The following FYB2 variants were observed in gnomAD, a reference collection of about 807,000 sequenced individuals.
FYB2 encodes the protein FYN-binding protein 2.
A neutral mutation model predicts 94.1 loss-of-function variants in FYB2; 103 were observed. That is an observed-to-expected ratio of 1.09 (90% confidence interval 0.93 to 1.29). The LOEUF (loss-of-function observed/expected upper bound fraction) is 1.29, where lower values mean the gene tolerates loss of function less well. Ranked by LOEUF, FYB2 falls within the 50% of genes most tolerant of loss-of-function variation. The pLI, the probability that FYB2 is intolerant of heterozygous loss-of-function variation, is 0.00. For missense variants in FYB2, 896 were observed against 841.5 expected, an observed-to-expected ratio of 1.06 and a Z score of -0.80; for synonymous variants, 293 against 287.9, an observed-to-expected ratio of 1.02 and a Z score of -0.18.
chr1:56,791,115 C>T (rs1646253454), intron 2 of FYB2, among the ~76,000 whole-genome samples: 2 of 152,104 alleles, frequency 1.3e-5, no homozygotes, highest in Non-Finnish European at 2.9e-5. Flanking sequence ...CAAACAGAAA[C>T]CATACAAGGT....
intron 1 of FYB2, among the ~76,000 whole-genome samples, chr1:56,802,565 G>A (rs558246777): frequency 7.0e-4 from 107 of 152,286 alleles, no homozygotes; most frequent in Non-Finnish European, 7.2e-4. Flanking sequence ...GAGGTGTGCC[G>A]TTCCATTGTA....
intron 5 of FYB2, among the ~76,000 whole-genome samples, chr1:56,760,048 C>T (rs1489173674): frequency 4.2e-5 from 6 of 142,734 alleles, no homozygotes; most frequent in Non-Finnish European, 6.0e-5. Flanking sequence ...TACTGTATTC[C>T]AGCCTGGGCA....
Position 56,792,639 on chromosome 1 carries a change from G to T in FYB2, c.174C>A (p.Asn58Lys), listed in dbSNP as rs1646298845. The T allele has an allele frequency of 6.2e-7, 1 of 1,614,078 alleles. No homozygotes were observed. Among genetic ancestry groups the T allele is most frequent in the Non-Finnish European group, 8.5e-7 (1 of 1,180,002 alleles). ...AACAGTATGGTGTGCGCTGCTTGTG[G>T]TTGGATGAGAGGGGTTTCCCATTGG... is the stretch of plus-strand genomic sequence containing the variant. The part of the protein sequence containing the change: ...ILANGKPLSS[N>K]HKQRTPYCSS... The change falls in exon 2 of 20, where the codon AAC becomes AAA. Residue 58 changes from asparagine to lysine, a missense_variant. Asn to Lys is a moderately conservative substitution (Grantham distance 94, BLOSUM62 0). Coordinates refer to ENST00000343433, the MANE Select transcript of FYB2 (RefSeq NM_001004303.5).
intron 1 of FYB2, among the ~76,000 whole-genome samples, chr1:56,804,570 C>A (rs1018872950): frequency 1.3e-5 from 2 of 151,836 alleles, no homozygotes; most frequent in Non-Finnish European, 2.9e-5. Flanking sequence ...ACTAAAAATA[C>A]AAAACAAAAA....
chr1:56,736,699 A>T (rs1337308915), intron 15 of FYB2, among the ~76,000 whole-genome samples: 1 of 152,142 alleles, frequency 6.6e-6, no homozygotes, highest in African/African-American at 2.4e-5. Flanking sequence ...TACAGGCATG[A>T]GCCACTGCAT....
intron 1 of FYB2, among the ~76,000 whole-genome samples, chr1:56,809,547 A>G (rs1646719338): frequency 6.6e-6 from 1 of 152,148 alleles, no homozygotes; most frequent in African/African-American, 2.4e-5. Context: ...GAATGCTCTT[A>G]CCCATGTTTA....
intron 1 of FYB2, among the ~76,000 whole-genome samples, chr1:56,812,520 A>C (rs1198044021): frequency 6.6e-6 from 1 of 152,194 alleles, no homozygotes; most frequent in South Asian, 2.1e-4. Flanking sequence ...AAATTGCTTA[A>C]TTATTATTTC....
intron 1 of FYB2, among the ~76,000 whole-genome samples, chr1:56,811,116 G>A (rs1288159453): frequency 6.6e-6 from 1 of 152,084 alleles, no homozygotes; most frequent in Non-Finnish European, 1.5e-5. Flanking sequence ...CTAGGGGAGG[G>A]ACCGTCATCA....
In FYB2 at chr1:56,792,071, C is replaced by G; in HGVS notation, c.742G>C (p.Ala248Pro). Residue 248 changes from alanine (A) to proline (P), a missense_variant, in exon 2 of 20, where the codon GCC (alanine) becomes CCC (proline). Physicochemically the swap from Ala to Pro is conservative, Grantham distance 27. Coordinates refer to ENST00000343433, the MANE Select transcript of FYB2 (RefSeq NM_001004303.5). Reference protein sequence around the residue: ...PCQPIYECELASQAPEKQPDV... With the variant: ...PCQPIYECELPSQAPEKQPDV... ...CGTTTGTTACCTGGGGCCTGACTGG[C>G]AAGCTCACACTCATAGATGGGCTGG... 6.3e-7 allele frequency: 1 copy of G among 1,585,190 alleles called. No individual in the cohort carries two copies. Among genetic ancestry groups the G allele is most frequent in the Non-Finnish European group, 8.6e-7 (1 of 1,169,224 alleles).
At chr1:56,778,574 G>C (rs1645936394) in intron 4 of FYB2, among the ~76,000 whole-genome samples, 1 of 152,060 alleles carries the variant, frequency 6.6e-6, no homozygotes, top group Non-Finnish European at 1.5e-5. Context: ...TACTGTTCTA[G>C]AATATAAAAA....
chr1:56,764,967 C>T (rs1645587067), intron 5 of FYB2, among the ~76,000 whole-genome samples: 1 of 152,186 alleles, frequency 6.6e-6, no homozygotes. Flanking sequence ...ACCCTCATGA[C>T]CTCATGTAAT....
At chr1:56,766,639 G>A (rs857095) in intron 5 of FYB2, among the ~76,000 whole-genome samples, 31,934 of 151,866 alleles carry the variant, frequency 0.21, 3,567 homozygotes, top group South Asian at 0.33. Flanking sequence ...GGGTTTCACC[G>A]TGTTAGCCAG....
intron 5 of FYB2, among the ~76,000 whole-genome samples, chr1:56,766,768 A>G (rs927233802): frequency 5.3e-5 from 8 of 152,130 alleles, no homozygotes; most frequent in Non-Finnish European, 1.0e-4. Flanking sequence ...GAGAAGAGGG[A>G]AATTTCAGTA....
At chr1:56,806,522 C>T (rs190614956) in intron 1 of FYB2, among the ~76,000 whole-genome samples, 5 of 152,154 alleles carry the variant, frequency 3.3e-5, no homozygotes, top group African/African-American at 1.2e-4. Flanking sequence ...TCACAGGCCA[C>T]TAGAAACAAA....
intron 1 of FYB2, among the ~76,000 whole-genome samples, chr1:56,818,916 G>C (rs1646948301): frequency 6.6e-6 from 1 of 152,102 alleles, no homozygotes; most frequent in African/African-American, 2.4e-5. Context: ...CACTGCAGAG[G>C]CCAGATACAG....
chr1:56,817,854 A>G (rs188014440), intron 1 of FYB2, among the ~76,000 whole-genome samples: 16 of 152,202 alleles, frequency 1.1e-4, no homozygotes, highest in South Asian at 4.2e-4. Flanking sequence ...CTGCTGTCCT[A>G]TTGTAATCCT....
chr1:56,732,520 T>C (rs916546087), intron 15 of FYB2, among the ~76,000 whole-genome samples: 1 of 152,086 alleles, frequency 6.6e-6, no homozygotes, highest in Admixed American at 6.6e-5. Flanking sequence ...CCCAAGTAGC[T>C]GAAGCAATTC....
At chr1:56,751,241 G>A in intron 8 of FYB2, 38 bp from the exon 9 acceptor site, 4 of 1,590,912 alleles carry the variant, frequency 2.5e-6, no homozygotes, top group Non-Finnish European at 3.4e-6. Flanking sequence ...GTAGGGCTGT[G>A]ACTTACCTAA....
rs146308662 is a variant in FYB2, at chr1:56,753,886, T to A, written c.1180A>T (p.Lys394Ter). The A allele has an allele frequency of 2.0e-5, 32 of 1,611,658 alleles. No individual in the cohort carries two copies. Among genetic ancestry groups the A allele is most frequent in the Non-Finnish European group, 2.5e-5 (30 of 1,178,348 alleles). ...GGTTCCTTTTCTGTGTTTTTAGGTT[T>A]CAATTCACATGGTTGTTTTTCCTTC... ...KMKEKQPCEL[K>*]PKNTEKEPYS... The change falls in exon 8 of 20, where the codon AAA becomes TAA. Residue 394 changes from lysine to a stop codon, truncating the protein, a stop_gained. Coordinates refer to ENST00000343433, the MANE Select transcript of FYB2 (RefSeq NM_001004303.5). LOFTEE classifies it high-confidence loss of function.
Sources: gnomAD v4.1 joint callset for allele counts (sites outside exome capture counted in the v4.1 genomes callset) on GRCh38, gnomAD v4.1.1 for gene constraint, MANE v1.5 for transcripts, NCBI Gene and HGNC (gene_info 2026-07-23, HGNC 2026-07-21) for gene names.